Variants in MAP3K4 observed in about 807,000 individuals in gnomAD.
The protein encoded by MAP3K4 is mitogen-activated protein kinase kinase kinase 4.
MAP3K4 carries 67 observed loss-of-function variants against 185.6 expected under a neutral mutation model. The ratio of observed to expected loss-of-function variants is 0.36; its 90% CI spans 0.30 to 0.44. The LOEUF (loss-of-function observed/expected upper bound fraction) is 0.44. Among genes scored for constraint, MAP3K4 ranks in the 20% least tolerant of loss-of-function variants. The pLI is 1.00. For synonymous variants in MAP3K4, 702 were observed against 710.4 expected, an observed-to-expected ratio of 0.99 and a Z score of 0.19; for missense variants, 1,551 against 1,995.1, an observed-to-expected ratio of 0.78 and a Z score of 4.24.
rs1394192049 is a variant in MAP3K4 at position 161,076,452 on chromosome 6, C to T, written c.2097+2840C>T. The stretch of plus-strand genomic sequence containing the variant: ...ACTCTGCGTTAGGACATCCACTGTA[C>T]TCGAAAAACTGAGACACTTAAGCAT... On this transcript the variant is annotated intron_variant, in intron 5 of 26. Coordinates refer to ENST00000392142, the MANE Select transcript of MAP3K4 (RefSeq NM_005922.4). This position sits in a 1 kb window ranked among gnomAD's most constrained non-coding sequence, Gnocchi z 4.2. 6.6e-6 allele frequency among the ~76,000 whole-genome samples: 1 copy of T among 152,150 alleles called. No homozygotes were observed. Among genetic ancestry groups the T allele is most frequent in the East Asian group, 1.9e-4 (1 of 5,190 alleles).
In MAP3K4 at chr6:161,070,835, C is replaced by G. The variant is rs1054837656; in HGVS notation, c.1935C>G (p.Leu645=). 5.0e-6 allele frequency: 8 copies of G among 1,612,362 alleles called. No homozygotes were observed. Among genetic ancestry groups the G allele is most frequent in the Non-Finnish European group, 6.8e-6 (8 of 1,179,216 alleles). ...AGAGACCTGCTGGAGAACCATCTCTCTTGAGTATTAAGCAGGTTTGCTTCA... is the reference window on the plus strand; with the variant it reads ...AGAGACCTGCTGGAGAACCATCTCTGTTGAGTATTAAGCAGGTTTGCTTCA... ...LEQRPAGEPS[L]LSIKQLVREC... The change falls in exon 4 of 27, where the codon CTC becomes CTG. Residue 645 remains leucine, a synonymous_variant. Transcript: ENST00000392142. The surrounding 1 kb of genome is among the most constrained non-coding windows in gnomAD (Gnocchi z 4.5).
At chr6:161,002,604 T>TG (rs1781376538) in intron 1 of MAP3K4, among the ~76,000 whole-genome samples, 1 of 147,102 alleles carries the variant, frequency 6.8e-6, no homozygotes, top group Non-Finnish European at 1.5e-5. Flanking sequence ...TTTTTTTTTT[T>TG]TTTTTGAGAT....
Position 161,109,070 on chromosome 6 carries a change from G to A in MAP3K4, c.4236+211G>A, listed in dbSNP as rs781372596. On this transcript the variant is annotated intron_variant, in intron 22 of 26. Transcript: ENST00000392142. This position sits in a 1 kb window ranked among gnomAD's most constrained non-coding sequence, Gnocchi z 5.7. ...AGTTGTAGACTGTAGTCATTAACCC[G>A]ACATCATAAAGCACTGAAACCCATC... is the stretch of plus-strand genomic sequence containing the variant. 51 of 1,421,264 alleles carry A rather than the reference G, an allele frequency of 3.6e-5. No individual in the cohort carries two copies. The highest frequency in any genetic ancestry group is 5.9e-5 in the Admixed American group (3 of 50,666). The allele number at this position is 1,421,264 out of a possible 1,614,324, so 88.0% of individuals were successfully genotyped here. A position where few individuals can be genotyped will look rare whatever the true frequency, so the allele number is the denominator to read the frequency against.
chr6:161,004,863 T>G (rs1277235064), intron 1 of MAP3K4, among the ~76,000 whole-genome samples: 1 of 152,194 alleles, frequency 6.6e-6, no homozygotes, highest in Non-Finnish European at 1.5e-5. Context: ...TTTGTGCAGA[T>G]AATGTAGAAA....
rs752595912 is a variant in MAP3K4 at position 161,034,270 on chromosome 6, C to T, written c.164C>T (p.Thr55Ile). The change falls in exon 2 of 27, where the codon ACA becomes ATA. Residue 55 changes from threonine to isoleucine, a missense_variant. Around this residue, in one of 16 missense-constraint regions of MAP3K4, gnomAD observed 287 missense variants for 268.8 expected, o/e 1.07. Coordinates refer to ENST00000392142, the MANE Select transcript of MAP3K4 (RefSeq NM_005922.4). The surrounding 1 kb of genome is among the most constrained non-coding windows in gnomAD (Gnocchi z 4.4). Reference sequence around the variant, plus strand: ...ACTGTCTTTCATAGGCAAGAGGGCACATTGGGAGATTCAGCTTGCAAGAGT... The same window carrying T: ...ACTGTCTTTCATAGGCAAGAGGGCATATTGGGAGATTCAGCTTGCAAGAGT... ...ECCLAARQEGTLGDSACKSPE... is the reference protein window; with the variant it reads ...ECCLAARQEGILGDSACKSPE... The T allele has an allele frequency of 8.1e-6, 13 of 1,613,270 alleles. No homozygotes were observed. Among genetic ancestry groups the T allele is most frequent in the Admixed American group, 1.7e-5 (1 of 59,990 alleles).
chr6:161,055,648 A>G (rs6455702), intron 3 of MAP3K4, among the ~76,000 whole-genome samples: 33,162 of 152,112 alleles, frequency 0.22, 5,035 homozygotes, highest in African/African-American at 0.43. Flanking sequence ...ATTGCATTTA[A>G]TTGTCATGTC....
chr6:161,066,652 TCTC>T (rs955320258), intron 3 of MAP3K4, among the ~76,000 whole-genome samples: 4 of 152,206 alleles, frequency 2.6e-5, no homozygotes, highest in African/African-American at 7.2e-5. Flanking sequence ...TTCCCTTTAG[TCTC>T]CTCTTAAGGA....
Position 161,112,849 on chromosome 6 carries a change from T to C in MAP3K4, c.4626+75T>C, listed in dbSNP as rs1054757544. 17 of 935,202 alleles carry C rather than the reference T, an allele frequency of 1.8e-5. No homozygotes were observed. In the African/African-American group the frequency reaches 2.5e-4, roughly 14 times the overall value. The allele number at this position is 935,202 out of a possible 1,614,324, so 57.9% of individuals were successfully genotyped here. A position where few individuals can be genotyped will look rare whatever the true frequency, so the allele number is the denominator to read the frequency against. Reference sequence around the variant, plus strand: ...CATTAACAGAACAGTAGTTATGGATTGATTATTTATTACAAACACTGTGGA... The same window carrying C: ...CATTAACAGAACAGTAGTTATGGATCGATTATTTATTACAAACACTGTGGA... On this transcript the variant is annotated intron_variant, in intron 25 of 26. Transcript: ENST00000392142. This position sits in a 1 kb window ranked among gnomAD's most constrained non-coding sequence, Gnocchi z 5.1.
Position 161,108,610 on chromosome 6 carries a change from A to T in MAP3K4, c.4120-133A>T. On this transcript the variant is annotated intron_variant, in intron 21 of 26. Transcript: ENST00000392142. The surrounding 1 kb of genome is among the most constrained non-coding windows in gnomAD (Gnocchi z 5.7). ...TGGCTAAAAACTTCCTTTTTACTTA[A>T]TTTTTTGTTGTTTTTAATTGACAAA... The T allele has an allele frequency of 1.5e-6, 1 of 654,946 alleles. No homozygotes were observed. Among genetic ancestry groups the T allele is most frequent in the Non-Finnish European group, 2.7e-6 (1 of 370,100 alleles). The allele number at this position is 654,946 out of a possible 1,614,324, so 40.6% of individuals were successfully genotyped here. A position where few individuals can be genotyped will look rare whatever the true frequency, so the allele number is the denominator to read the frequency against.
chr6:161,067,355 C>A lies in MAP3K4; in HGVS notation c.1708-3253C>A. 2.7e-6 allele frequency: 1 copy of A among 365,288 alleles called. No homozygotes were observed. Among genetic ancestry groups the A allele is most frequent in the South Asian group, 2.2e-5 (1 of 46,128 alleles). The allele number at this position is 365,288 out of a possible 1,614,324, so 22.6% of individuals were successfully genotyped here. A position where few individuals can be genotyped will look rare whatever the true frequency, so the allele number is the denominator to read the frequency against. On this transcript the variant is annotated intron_variant, in intron 3 of 26. Coordinates refer to ENST00000392142, the MANE Select transcript of MAP3K4 (RefSeq NM_005922.4). The surrounding 1 kb of genome is among the most constrained non-coding windows in gnomAD (Gnocchi z 6.3). ...ATTTCTGATTAGCTTCCTTATGCAT[C>A]GATCTCAGTGAGCAGAGGGAACAGG... is the stretch of plus-strand genomic sequence containing the variant.
intron 1 of MAP3K4, among the ~76,000 whole-genome samples, chr6:161,033,130 A>G (rs532116936): frequency 6.6e-6 from 1 of 152,170 alleles, no homozygotes; most frequent in Non-Finnish European, 1.5e-5. Context: ...TGACTTTGAA[A>G]TAGCTTTGAT....
At chr6:161,059,153 TA>T (rs1784378718) in intron 3 of MAP3K4, among the ~76,000 whole-genome samples, 3 of 151,946 alleles carry the variant, frequency 2.0e-5, no homozygotes, top group African/African-American at 7.2e-5. Flanking sequence ...TTTTTTTTTT[TA>T]AGTCAGAGCC....
intron 1 of MAP3K4, among the ~76,000 whole-genome samples, chr6:161,012,575 C>T (rs575589252): frequency 4.6e-5 from 7 of 152,164 alleles, no homozygotes; most frequent in South Asian, 4.2e-4. Flanking sequence ...ATTATTACAA[C>T]GAACTTATAA....
rs1277894653 is a variant in MAP3K4, at chr6:161,098,721, A to G, written c.3674+294A>G. 6.6e-6 allele frequency among the ~76,000 whole-genome samples: 1 copy of G among 152,244 alleles called. No individual in the cohort carries two copies. Among genetic ancestry groups the G allele is most frequent in the Admixed American group, 6.5e-5 (1 of 15,282 alleles). Reference sequence around the variant, plus strand: ...TCATAGGAAAGGACTGGTCCACAACAGAAGGGGACATGAGCATTTTGCCTC... The same window carrying G: ...TCATAGGAAAGGACTGGTCCACAACGGAAGGGGACATGAGCATTTTGCCTC... On this transcript the variant is annotated intron_variant, in intron 17 of 26. Transcript: ENST00000392142. This position sits in a 1 kb window ranked among gnomAD's most constrained non-coding sequence, Gnocchi z 4.4.
intron 19 of MAP3K4, among the ~76,000 whole-genome samples, chr6:161,105,447 T>G (rs1049286574): frequency 6.6e-6 from 1 of 152,216 alleles, no homozygotes; most frequent in African/African-American, 2.4e-5. Context: ...GTTAATTACC[T>G]TGCCCATTGT....
chr6:161,013,837 G>C (rs577233640), intron 1 of MAP3K4, among the ~76,000 whole-genome samples: 2 of 152,284 alleles, frequency 1.3e-5, no homozygotes, highest in African/African-American at 4.8e-5. Flanking sequence ...GTAACTGCTG[G>C]GTCATTGCCG....
intron 1 of MAP3K4, among the ~76,000 whole-genome samples, chr6:161,011,138 A>C (rs1057426554): frequency 3.3e-5 from 5 of 152,206 alleles, no homozygotes; most frequent in African/African-American, 1.2e-4. Flanking sequence ...TGTTACTTCA[A>C]ATGACATTCA....
rs1020868277 is a variant in MAP3K4, at chr6:161,049,718, C to T, written c.1446C>T (p.Phe482=). Reference sequence around the variant, plus strand: ...TCAGACAGCCCATAGATAACAGCTTCGACATCCAGTCGCGGGACTGCATAT... The same window carrying T: ...TCAGACAGCCCATAGATAACAGCTTTGACATCCAGTCGCGGGACTGCATAT... ...PEIRQPIDNS[F]DIQSRDCISK... The change falls in exon 3 of 27, where the codon TTC becomes TTT. Residue 482 remains phenylalanine (F), a synonymous_variant. Coordinates refer to ENST00000392142, the MANE Select transcript of MAP3K4 (RefSeq NM_005922.4). This position sits in a 1 kb window ranked among gnomAD's most constrained non-coding sequence, Gnocchi z 8.4. 4 of 1,614,026 alleles carry T rather than the reference C, an allele frequency of 2.5e-6. No individual in the cohort carries two copies. The highest frequency in any genetic ancestry group is 3.4e-6 in the Non-Finnish European group (4 of 1,180,034).
chr6:160,997,149 C>G (rs796421337), intron 1 of MAP3K4, among the ~76,000 whole-genome samples: 15 of 152,112 alleles, frequency 9.9e-5, no homozygotes, highest in African/African-American at 3.4e-4. Context: ...TTTAAGATTT[C>G]TTTTTTTAAA....
Sources: gnomAD v4.1 joint callset for allele counts (sites outside exome capture counted in the v4.1 genomes callset) on GRCh38, gnomAD v4.1.1 for gene constraint, gnomAD v4.1.1 regional missense constraint, Gnocchi (gnomAD v3.1) non-coding constraint, MANE v1.5 for transcripts, NCBI Gene and HGNC (gene_info 2026-07-23, HGNC 2026-07-21) for gene names.